Variants in ASIC2 observed in about 807,000 individuals in gnomAD.
ASIC2 encodes the protein acid sensing ion channel subunit 2.
A neutral mutation model predicts 57.3 loss-of-function variants in ASIC2; 25 were observed. The ratio of observed to expected loss-of-function variants is 0.44; its 90% CI spans 0.32 to 0.61. ASIC2 has a LOEUF of 0.61. Among genes scored for constraint, ASIC2 ranks in the 20% least tolerant of loss-of-function variants. The pLI, the probability that ASIC2 is intolerant of heterozygous loss-of-function variation, is 0.06. For missense variants in ASIC2, 641 were observed against 738.1 expected, an observed-to-expected ratio of 0.87 and a Z score of 1.52; for synonymous variants, 319 against 307.5, an observed-to-expected ratio of 1.04 and a Z score of -0.39.
At chr17:33,887,816 A>T (rs7207394) in intron 1 of ASIC2, among the ~76,000 whole-genome samples, 93,778 of 151,932 alleles carry the variant, frequency 0.62, 29,154 homozygotes, top group South Asian at 0.68. Context: ...AGCCTTTAAA[A>T]GAACATTGTT....
At chr17:33,156,131 C>G (rs1029291272) in intron 1 of ASIC2, among the ~76,000 whole-genome samples, 7 of 144,736 alleles carry the variant, frequency 4.8e-5, no homozygotes, top group East Asian at 2.1e-4. Flanking sequence ...ACCTAGGGAG[C>G]TTGTTTTTTT....
At chr17:33,513,477 G>A (rs933052581) in intron 1 of ASIC2, among the ~76,000 whole-genome samples, 1 of 152,178 alleles carries the variant, frequency 6.6e-6, no homozygotes, top group Non-Finnish European at 1.5e-5. Context: ...GAATTACTTA[G>A]GAAAGTATCT....
chr17:34,011,130 G>T (rs368528796), intron 1 of ASIC2, among the ~76,000 whole-genome samples: 9 of 1,250 alleles, frequency 7.2e-3, no homozygotes, highest in East Asian at 0.042. Context: ...GTCAGACACA[G>T]GCACACACAC....
chr17:33,837,212 G>T (rs530188705), intron 1 of ASIC2, among the ~76,000 whole-genome samples: 1 of 152,316 alleles, frequency 6.6e-6, no homozygotes, highest in Admixed American at 6.5e-5. Context: ...AAGGGCTGCT[G>T]CCCAGATCCC....
intron 1 of ASIC2, among the ~76,000 whole-genome samples, chr17:33,280,085 C>T (rs1020200807): frequency 5.3e-5 from 8 of 152,250 alleles, no homozygotes; most frequent in South Asian, 2.1e-4. Context: ...TGGCACATAG[C>T]GGGTGCCTAC....
chr17:33,471,707 C>T (rs1039577), intron 1 of ASIC2, among the ~76,000 whole-genome samples: 124,112 of 152,160 alleles, frequency 0.82, 51,057 homozygotes, highest in African/African-American at 0.92. Context: ...AATATCTAAG[C>T]ATAACACAAG....
At chr17:33,681,459 T>A (rs577488004) in intron 1 of ASIC2, among the ~76,000 whole-genome samples, 2 of 149,728 alleles carry the variant, frequency 1.3e-5, no homozygotes, top group African/African-American at 5.1e-5. Context: ...CCACAATGTA[T>A]ATGTGGGTTG....
intron 1 of ASIC2, among the ~76,000 whole-genome samples, chr17:33,341,096 A>T (rs1387257606): frequency 3.9e-5 from 6 of 152,290 alleles, no homozygotes; most frequent in African/African-American, 1.4e-4. Context: ...TAAGTTTTGG[A>T]TTTGCAGCGA....
chr17:33,259,637 G>A (rs1266168991), intron 1 of ASIC2, among the ~76,000 whole-genome samples: 4 of 152,138 alleles, frequency 2.6e-5, no homozygotes, highest in African/African-American at 9.7e-5. Flanking sequence ...GAGAGTGACA[G>A]CCTGAAGACT....
chr17:33,984,801 G>C (rs905083311), intron 1 of ASIC2, among the ~76,000 whole-genome samples: 10 of 152,330 alleles, frequency 6.6e-5, no homozygotes, highest in Admixed American at 6.5e-4. Flanking sequence ...ATGGAGGAAG[G>C]AGAGGCAAAG....
chr17:34,108,844 C>T (rs1911160747), intron 1 of ASIC2, among the ~76,000 whole-genome samples: 1 of 151,990 alleles, frequency 6.6e-6, no homozygotes, highest in Non-Finnish European at 1.5e-5. Flanking sequence ...ATGTCTTCCT[C>T]ACTTATTGAC....
At chr17:33,605,774 G>A (rs1412372040) in intron 1 of ASIC2, among the ~76,000 whole-genome samples, 8 of 152,168 alleles carry the variant, frequency 5.3e-5, no homozygotes, top group Non-Finnish European at 1.0e-4. Flanking sequence ...GACACAGCAC[G>A]TCCTGCCTCC....
intron 1 of ASIC2, among the ~76,000 whole-genome samples, chr17:33,503,076 T>A (rs917663454): frequency 6.6e-6 from 1 of 152,152 alleles, no homozygotes; most frequent in Admixed American, 6.5e-5. Context: ...GGGCATCAGC[T>A]TTCCCATGAG....
intron 1 of ASIC2, among the ~76,000 whole-genome samples, chr17:33,494,044 G>A (rs1044338811): frequency 5.3e-5 from 8 of 152,208 alleles, no homozygotes; most frequent in South Asian, 2.1e-4. Context: ...ACTCTGAAGC[G>A]AAAGGTTTGT....
intron 1 of ASIC2, among the ~76,000 whole-genome samples, chr17:33,646,945 T>C (rs1168687512): frequency 1.3e-5 from 2 of 151,978 alleles, no homozygotes; most frequent in Admixed American, 1.3e-4. Flanking sequence ...TGGAGGAGTC[T>C]GAGAAGGCTC....
chr17:34,051,246 T>A (rs949718753), intron 1 of ASIC2, among the ~76,000 whole-genome samples: 1 of 152,182 alleles, frequency 6.6e-6, no homozygotes, highest in Non-Finnish European at 1.5e-5. Flanking sequence ...TTAATCCTCT[T>A]AGCTCATCTC....
intron 1 of ASIC2, among the ~76,000 whole-genome samples, chr17:33,840,799 CCACA>C (rs10525634): frequency 2.7e-5 from 4 of 147,572 alleles, no homozygotes; most frequent in African/African-American, 7.5e-5. Context: ...CCTGGACACA[CCACA>C]CACACACACA....
intron 1 of ASIC2, among the ~76,000 whole-genome samples, chr17:33,721,461 C>T (rs1402119245): frequency 6.6e-6 from 1 of 152,196 alleles, no homozygotes; most frequent in Non-Finnish European, 1.5e-5. Context: ...TCTTCCCCTG[C>T]CTAAGCAAAC....
chr17:33,662,629 AAAT>A (rs1907309645), intron 1 of ASIC2, among the ~76,000 whole-genome samples: 2 of 67,804 alleles, frequency 2.9e-5, no homozygotes, highest in South Asian at 5.1e-4. Flanking sequence ...TCTCAAAAAT[AAAT>A]AAATAAATAA....
Sources: gnomAD v4.1 joint callset for allele counts (sites outside exome capture counted in the v4.1 genomes callset) on GRCh38, gnomAD v4.1.1 for gene constraint, MANE v1.5 for transcripts, NCBI Gene and HGNC (gene_info 2026-07-23, HGNC 2026-07-21) for gene names.